The following NUSAP1 variants were observed in gnomAD, a reference collection of about 807,000 sequenced individuals.
NUSAP1 encodes the protein nucleolar and spindle-associated protein 1.
NUSAP1 carries 32 observed loss-of-function variants against 52.8 expected under a neutral mutation model. The observed-to-expected ratio is 0.61, with a 90% CI of 0.46 to 0.81. NUSAP1 has a LOEUF of 0.81. NUSAP1 is among the 40% of genes least tolerant of loss of function. The probability of loss-of-function intolerance (pLI) is 0.00; values close to 1 mark genes in which losing one functional copy is unlikely to be tolerated. For synonymous variants in NUSAP1, 195 were observed against 183.1 expected (o/e 1.06, Z -0.52); for missense variants, 499 against 522.3 (o/e 0.96, Z 0.43).
intron 2 of NUSAP1, among the ~76,000 whole-genome samples, chr15:41,345,144 C>G (rs1031457145): frequency 2.6e-5 from 4 of 152,022 alleles, no homozygotes; most frequent in African/African-American, 9.7e-5. Flanking sequence ...GGACTACAGC[C>G]TTGTATCACC....
Position 41,377,281 on chromosome 15 carries a change from CA to C in NUSAP1, c.1212del (p.Lys404AsnfsTer68). 1.3e-6 allele frequency: 2 copies of C among 1,507,240 alleles called. No individual in the cohort carries two copies. Among genetic ancestry groups the C allele is most frequent in the Non-Finnish European group, 1.8e-6 (2 of 1,113,356 alleles). 93.4% of individuals were successfully genotyped at this position (1,507,240 alleles called of 1,614,324 possible). On this transcript the variant is annotated frameshift_variant, in exon 10 of 11. Transcript: ENST00000559596. LOFTEE classifies it high-confidence loss of function. ...NRINFYKKTY[K>X]QPHLQTKEEQ... ...GAATTAACTTCTACAAGAAAACTTA[CA>C]AACAACCCCATCTCCAGACAAAGTA...
chr15:41,343,105 A>G (rs2048424074), intron 2 of NUSAP1: 1 of 152,182 alleles, frequency 6.6e-6, no homozygotes, highest in African/African-American at 2.4e-5. Context: ...GCTCTCATTT[A>G]TTTCTCTGCA....
intron 6 of NUSAP1, among the ~76,000 whole-genome samples, chr15:41,361,317 C>T (rs1435997554): frequency 6.6e-6 from 1 of 151,740 alleles, no homozygotes; most frequent in African/African-American, 2.4e-5. Context: ...TGCTTGAACC[C>T]GGGAGGCAGA....
intron 1 of NUSAP1, among the ~76,000 whole-genome samples, chr15:41,341,426 A>G (rs2048362793): frequency 6.6e-6 from 1 of 152,198 alleles, no homozygotes; most frequent in Admixed American, 6.5e-5. Flanking sequence ...CTTTCAGGAA[A>G]GAACAAGAAG....
intron 2 of NUSAP1, among the ~76,000 whole-genome samples, chr15:41,346,542 CG>C (rs1166203866): frequency 6.6e-6 from 1 of 151,710 alleles, no homozygotes; most frequent in African/African-American, 2.4e-5. Flanking sequence ...TTTAAAAATA[CG>C]GATGGCTGGG....
intron 2 of NUSAP1, among the ~76,000 whole-genome samples, chr15:41,348,555 A>G (rs2048665749): frequency 6.6e-6 from 1 of 152,068 alleles, no homozygotes; most frequent in African/African-American, 2.4e-5. Flanking sequence ...AATAACTTTG[A>G]ATACTTTACT....
chr15:41,362,606 A>G (rs1215182856), intron 6 of NUSAP1, among the ~76,000 whole-genome samples: 1 of 148,160 alleles, frequency 6.7e-6, no homozygotes, highest in Non-Finnish European at 1.5e-5. Context: ...TTTTTTTTGT[A>G]TTTTTAGTAG....
At chr15:41,333,091 G>C (rs2047977867) in intron 1 of NUSAP1, 41 bp downstream of exon 1, 2 of 1,494,594 alleles carry the variant, frequency 1.3e-6, no homozygotes, top group Non-Finnish European at 1.8e-6. Flanking sequence ...GGGCGCGGCG[G>C]GAATAGCGGC....
chr15:41,379,863 A>G (rs2050139563), intron 10 of NUSAP1, among the ~76,000 whole-genome samples: 1 of 152,182 alleles, frequency 6.6e-6, no homozygotes, highest in South Asian at 2.1e-4. Context: ...GCATGATTTT[A>G]GAGTGCTGAG....
chr15:41,361,478 T>G (rs747276099), intron 6 of NUSAP1, among the ~76,000 whole-genome samples: 3 of 152,062 alleles, frequency 2.0e-5, no homozygotes, highest in Non-Finnish European at 4.4e-5. Context: ...TCCACAACTT[T>G]GGGAGGGTTA....
At chr15:41,371,781 T>A (rs1004419252) in intron 8 of NUSAP1, 97 bp downstream of exon 8, 22 of 1,403,164 alleles carry the variant, frequency 1.6e-5, no homozygotes, top group Non-Finnish European at 2.1e-5. Context: ...TTTGTTTGTT[T>A]TTTTCTGAGA....
chr15:41,347,756 G>C (rs958035771), intron 2 of NUSAP1, among the ~76,000 whole-genome samples: 4 of 151,184 alleles, frequency 2.6e-5, no homozygotes, highest in Non-Finnish European at 5.9e-5. Context: ...GGAGCTTGCA[G>C]TGAGCCAAGA....
chr15:41,335,967 A>C (rs906051198), intron 1 of NUSAP1, among the ~76,000 whole-genome samples: 6 of 151,136 alleles, frequency 4.0e-5, no homozygotes, highest in Admixed American at 4.0e-4. Flanking sequence ...ATATTATTAA[A>C]AATAAATTTA....
intron 1 of NUSAP1, among the ~76,000 whole-genome samples, chr15:41,334,549 C>A (rs2048048718): frequency 6.6e-6 from 1 of 152,236 alleles, no homozygotes; most frequent in Non-Finnish European, 1.5e-5. Context: ...GCCTTAATAT[C>A]TCAGCCTAAA....
At chr15:41,375,887 A>G in intron 9 of NUSAP1, 59 bp downstream of exon 9, 1 of 1,170,728 alleles carries the variant, frequency 8.5e-7, no homozygotes, top group East Asian at 2.4e-5. Context: ...GGTGGGACGC[A>G]GTGGCTCACA....
chr15:41,336,916 G>A (rs2048173646), intron 1 of NUSAP1, among the ~76,000 whole-genome samples: 1 of 151,074 alleles, frequency 6.6e-6, no homozygotes, highest in Admixed American at 6.6e-5. Flanking sequence ...TTACCTCATA[G>A]GTCATGGGAA....
At chr15:41,352,771 G>T (rs747622014) in intron 4 of NUSAP1, among the ~76,000 whole-genome samples, 23 of 151,952 alleles carry the variant, frequency 1.5e-4, no homozygotes, top group Non-Finnish European at 2.4e-4. Context: ...TGCCCAGGCT[G>T]GTCTCAAACT....
chr15:41,380,161 G>T lies in NUSAP1; in HGVS notation c.1301G>T (p.Arg434Met), dbSNP rs1360593569. The change falls in exon 11 of 11, where the codon AGG (arginine) becomes ATG (methionine). Residue 434 changes from arginine to methionine, a missense_variant. Physicochemically the swap from Arg to Met is moderately conservative, Grantham distance 91. Coordinates refer to ENST00000559596, the MANE Select transcript of NUSAP1 (RefSeq NM_016359.5). ...EKKAKVLGMRRGLILAED is the reference protein window; with the variant it reads ...EKKAKVLGMRMGLILAED ...AAAGCAAAGGTTTTGGGAATGCGAA[G>T]GGGCCTCATTTTGGCTGAAGATTAA... The T allele has an allele frequency of 1.3e-6, 2 of 1,583,320 alleles. No individual in the cohort carries two copies. Among genetic ancestry groups the T allele is most frequent in the African/African-American group, 1.3e-5 (1 of 74,192 alleles).
chr15:41,375,502 A>G (rs866378313), intron 8 of NUSAP1, among the ~76,000 whole-genome samples: 1 of 151,972 alleles, frequency 6.6e-6, no homozygotes, highest in Non-Finnish European at 1.5e-5. Flanking sequence ...TTGTGGAGAC[A>G]GGGTTTCACC....
Sources: gnomAD v4.1 joint callset for allele counts (sites outside exome capture counted in the v4.1 genomes callset) on GRCh38, gnomAD v4.1.1 for gene constraint, MANE v1.5 for transcripts, NCBI Gene and HGNC (gene_info 2026-07-23, HGNC 2026-07-21) for gene names.